Variants in SLCO2A1 observed in about 807,000 individuals in gnomAD.
The protein encoded by SLCO2A1 is matrin F/G 1.
In SLCO2A1, 60 loss-of-function variants were observed where a neutral mutation model predicts 71.7. The ratio of observed to expected loss-of-function variants is 0.84; its 90% confidence interval spans 0.68 to 1.04. The LOEUF is 1.04. Among genes scored for constraint, SLCO2A1 ranks in the 50% least tolerant of loss-of-function variants. The pLI, the probability that SLCO2A1 is intolerant of heterozygous loss-of-function variation, is 0.00. For synonymous variants in SLCO2A1, 308 were observed against 326.7 expected, an observed-to-expected ratio of 0.94 and a Z score of 0.62; for missense variants, 745 against 813.4, an observed-to-expected ratio of 0.92 and a Z score of 1.02.
At chr3:133,967,354 A>T (rs769283304) in intron 3 of SLCO2A1, among the ~76,000 whole-genome samples, 10 of 152,192 alleles carry the variant, frequency 6.6e-5, no homozygotes, top group Non-Finnish European at 1.3e-4. Context: ...CTTTTATGTC[A>T]CGGCTCAGGC....
At chr3:133,944,568 C>T (rs190220788) in intron 10 of SLCO2A1, among the ~76,000 whole-genome samples, 1 of 152,328 alleles carries the variant, frequency 6.6e-6, no homozygotes, top group East Asian at 1.9e-4. Flanking sequence ...AGGCAGAGCC[C>T]TGGGTTCAAG....
chr3:133,949,278 C>G, intron 6 of SLCO2A1: 1 of 339,298 alleles, frequency 2.9e-6, no homozygotes, highest in Non-Finnish European at 5.6e-6. Context: ...TTCCTGGACC[C>G]CACCCCTCAC....
chr3:133,988,769 G>A (rs936115836), intron 1 of SLCO2A1, among the ~76,000 whole-genome samples: 6 of 152,310 alleles, frequency 3.9e-5, no homozygotes, highest in African/African-American at 1.4e-4. Flanking sequence ...GGCCTCAGGG[G>A]ACATTCTGCT....
chr3:134,023,329 C>A lies in SLCO2A1; in HGVS notation c.96+6378G>T, dbSNP rs147925739. Among the ~76,000 whole-genome samples the A allele has an allele frequency of 2.7e-3, 407 of 152,336 alleles. 7 individuals carry two copies. Among genetic ancestry groups the A allele is most frequent in the African/African-American group, 9.4e-3 (390 of 41,578 alleles). ...CTATTGCTGACCATCTAGTTATTAA[C>A]ATAACCAAGTCAATTTCTCCTCAAA... is the stretch of plus-strand genomic sequence containing the variant. On this transcript the variant is annotated intron_variant, in intron 1 of 13. Coordinates refer to ENST00000310926, the MANE Select transcript of SLCO2A1 (RefSeq NM_005630.3).
chr3:133,987,324 T>C (rs1243109238), intron 1 of SLCO2A1, among the ~76,000 whole-genome samples: 1 of 151,642 alleles, frequency 6.6e-6, no homozygotes, highest in Non-Finnish European at 1.5e-5. Flanking sequence ...ATAAGAAACA[T>C]GTAGAATCGA....
chr3:133,980,164 C>A (rs1934556867), intron 1 of SLCO2A1, among the ~76,000 whole-genome samples: 1 of 152,230 alleles, frequency 6.6e-6, no homozygotes, highest in South Asian at 2.1e-4. Flanking sequence ...CAGTAAGGCA[C>A]CATGATGCAA....
chr3:133,934,911 C>A, intron 13 of SLCO2A1, 81 bp from the exon 14 acceptor site: 1 of 1,114,276 alleles, frequency 9.0e-7, no homozygotes, highest in Non-Finnish European at 1.3e-6. Context: ...TGGGAAGAAC[C>A]ACATCATTCC....
intron 1 of SLCO2A1, among the ~76,000 whole-genome samples, chr3:133,990,781 G>A (rs1393659097): frequency 6.6e-6 from 1 of 152,140 alleles, no homozygotes; most frequent in Non-Finnish European, 1.5e-5. Flanking sequence ...GAACTCAGAA[G>A]GGTGACTCCT....
intron 11 of SLCO2A1, 48 bp from the exon 12 acceptor site, chr3:133,938,541 C>A (rs200501467): frequency 1.3e-6 from 2 of 1,580,988 alleles, no homozygotes; most frequent in African/African-American, 2.7e-5. Flanking sequence ...CAGGGCTGCA[C>A]GATCCCTTGG....
chr3:134,013,829 T>G (rs375259857), intron 1 of SLCO2A1, among the ~76,000 whole-genome samples: 1 of 152,284 alleles, frequency 6.6e-6, no homozygotes, highest in East Asian at 1.9e-4. Context: ...ATTTTAAGAT[T>G]AAAGTATAAA....
chr3:133,953,886 AC>A, intron 4 of SLCO2A1, 125 bp from the exon 5 acceptor site: 1 of 708,380 alleles, frequency 1.4e-6, no homozygotes, highest in South Asian at 1.7e-5. Context: ...ATAAGCCCAC[AC>A]CTGTGGCATC....
chr3:133,963,316 CAT>C (rs1376014800), intron 3 of SLCO2A1, among the ~76,000 whole-genome samples: 2 of 152,176 alleles, frequency 1.3e-5, no homozygotes, highest in South Asian at 2.1e-4. Flanking sequence ...TTCAAAGCCA[CAT>C]GTTTCAGCGC....
At chr3:134,002,563 C>T (rs1336704023) in intron 1 of SLCO2A1, among the ~76,000 whole-genome samples, 4 of 152,242 alleles carry the variant, frequency 2.6e-5, no homozygotes, top group Non-Finnish European at 4.4e-5. Flanking sequence ...GCATATGAAT[C>T]ACTGCCCTGA....
At chr3:133,937,831 T>C (rs532053821) in intron 12 of SLCO2A1, among the ~76,000 whole-genome samples, 5 of 152,352 alleles carry the variant, frequency 3.3e-5, no homozygotes, top group Admixed American at 3.3e-4. Context: ...GGAATGGGCC[T>C]GCATTGTGCC....
At chr3:133,974,233 T>C (rs1017393890) in intron 2 of SLCO2A1, among the ~76,000 whole-genome samples, 3 of 152,212 alleles carry the variant, frequency 2.0e-5, no homozygotes, top group Non-Finnish European at 4.4e-5. Flanking sequence ...ACCTAAAGTT[T>C]AGGCAAAATC....
chr3:133,999,495 C>A lies in SLCO2A1; in HGVS notation c.97-19877G>T, dbSNP rs76325377. Reference sequence around the variant, plus strand: ...ACCAAGGGCCGAGCAGGGCTGCCTCCCCCAGCCCCCCAGGGGCATACTATT... The same window carrying A: ...ACCAAGGGCCGAGCAGGGCTGCCTCACCCAGCCCCCCAGGGGCATACTATT... On this transcript the variant is annotated intron_variant, in intron 1 of 13. Transcript: ENST00000310926. Among the ~76,000 whole-genome samples, 167 of 152,254 alleles carry A rather than the reference C, an allele frequency of 1.1e-3. 1 individual carries two copies. Among genetic ancestry groups the A allele is most frequent in the Admixed American group, 4.1e-3 (62 of 15,302 alleles).
intron 1 of SLCO2A1, among the ~76,000 whole-genome samples, chr3:134,012,866 GA>G (rs1436134930): frequency 6.6e-6 from 1 of 152,184 alleles, no homozygotes; most frequent in African/African-American, 2.4e-5. Context: ...ACCACAGTCA[GA>G]AGGTGCATGT....
At chr3:133,956,580 G>T (rs1384282101) in intron 3 of SLCO2A1, among the ~76,000 whole-genome samples, 1 of 152,232 alleles carries the variant, frequency 6.6e-6, no homozygotes, top group Non-Finnish European at 1.5e-5. Context: ...CTGGCAAGCA[G>T]CCAGGGACTG....
intron 5 of SLCO2A1, 148 bp downstream of exon 5, chr3:133,953,515 G>A (rs534355067): frequency 2.8e-4 from 178 of 635,612 alleles, no homozygotes; most frequent in Non-Finnish European, 3.6e-4. Flanking sequence ...CTGGCTCTCC[G>A]AGGGACTGCA....
Sources: allele counts gnomAD v4.1 joint callset (sites outside exome capture counted in the v4.1 genomes callset), GRCh38; gene constraint gnomAD v4.1.1; transcripts MANE v1.5; gene names NCBI Gene and HGNC (gene_info 2026-07-23, HGNC 2026-07-21).